PRH2: variants seen among roughly 807,000 people sequenced by gnomAD.
PRH2 encodes the protein salivary acidic proline-rich phosphoprotein 1/2.
In PRH2, 19 loss-of-function variants were observed where a neutral mutation model predicts 22.6. That is an observed-to-expected ratio of 0.84 (90% confidence interval 0.59 to 1.23). The LOEUF (loss-of-function observed/expected upper bound fraction) is 1.23, where lower values mean the gene tolerates loss of function less well. Ranked by LOEUF, PRH2 falls within the 50% of genes most tolerant of loss-of-function variation. The pLI is 0.00. For missense variants in PRH2, 109 were observed against 203.0 expected (o/e 0.54, Z 2.81); for synonymous variants, 45 against 72.0 (o/e 0.63, Z 1.90).
In PRH2 at chr12:10,929,348, T is replaced by C. The variant is rs1297477771; in HGVS notation, c.64+11T>C. ...AGGACTTAGATGAAGGTAAGCCGAATTGGGGGAAGATATTGTGACTCTGAT... is the reference window on the plus strand; with the variant it reads ...AGGACTTAGATGAAGGTAAGCCGAACTGGGGGAAGATATTGTGACTCTGAT... On this transcript the variant is annotated intron_variant, in intron 1 of 3. Transcript: ENST00000396400. 9.3e-6 allele frequency: 15 copies of C among 1,613,878 alleles called. No individual in the cohort carries two copies. Among genetic ancestry groups the C allele is most frequent in the African/African-American group, 4.0e-5 (3 of 74,862 alleles).
rs893282696 is a variant in PRH2, at chr12:10,932,757, C to G, written c.*550C>G. On this transcript the variant is annotated 3_prime_UTR_variant, in exon 4 of 4. Coordinates refer to ENST00000396400, the MANE Select transcript of PRH2 (RefSeq NM_001110213.1). ...GTTCTGTCCCTGCCTATGATTCTTA[C>G]CATTCTTAAGAAAACCTGAATGGAT... 1.2e-4 allele frequency among the ~76,000 whole-genome samples: 18 copies of G among 152,114 alleles called. No individual in the cohort carries two copies. The highest frequency in any genetic ancestry group is 7.4e-5 in the Non-Finnish European group (5 of 68,002).
At position 10,930,312 on chromosome 12, in the gene PRH2, C is replaced by T; in HGVS notation, c.100+8C>T. 1 of 1,609,930 alleles carries T rather than the reference C, an allele frequency of 6.2e-7. No homozygotes were observed. The highest frequency in any genetic ancestry group is 1.1e-5 in the South Asian group (1 of 90,988). On this transcript the variant is annotated splice_region_variant and intron_variant, in intron 2 of 3. Coordinates refer to ENST00000396400, the MANE Select transcript of PRH2 (RefSeq NM_001110213.1). ...TTCCCTTGGTAATATCAGGTAAATC[C>T]CAATAAATTCTCAGTAAACTCTGTC...
rs1950254475 is a variant in PRH2 at position 10,934,253 on chromosome 12, C to T, written c.*2046C>T. ...CCCTAGTGATGTATTCTCTTCACCA[C>T]AAGAGTTTGCAGCTCTGGCTTTCTT... On this transcript the variant is annotated 3_prime_UTR_variant, in exon 4 of 4. Transcript: ENST00000396400. 6.6e-6 allele frequency among the ~76,000 whole-genome samples: 1 copy of T among 152,132 alleles called. No homozygotes were observed.
chr12:10,930,557 G>T (rs1040678494), intron 2 of PRH2, 105 bp from the exon 3 acceptor site: 7 of 1,550,244 alleles, frequency 4.5e-6, no homozygotes, highest in Non-Finnish European at 6.1e-6. Context: ...GAGTTGAGAG[G>T]CAGGTCAGGG....
intron 1 of PRH2, among the ~76,000 whole-genome samples, chr12:10,929,681 T>G (rs1400369291): frequency 6.6e-6 from 1 of 152,078 alleles, no homozygotes; most frequent in Admixed American, 6.5e-5. Context: ...TAGACAGGGA[T>G]GATGGTGGCC....
chr12:10,932,086 T>G, intron 3 of PRH2, 140 bp from the exon 4 acceptor site: 1 of 255,978 alleles, frequency 3.9e-6, no homozygotes, highest in South Asian at 4.2e-5. Flanking sequence ...ACAAAGAAAA[T>G]GATATTAAGG....
chr12:10,930,575 G>A, intron 2 of PRH2, 87 bp from the exon 3 acceptor site: 3 of 1,574,650 alleles, frequency 1.9e-6, no homozygotes, highest in Non-Finnish European at 2.6e-6. Context: ...GGGAGAGAGG[G>A]GCCGGCCGTG....
At chr12:10,929,894 A>G (rs1360269843) in intron 1 of PRH2, among the ~76,000 whole-genome samples, 1 of 152,178 alleles carries the variant, frequency 6.6e-6, no homozygotes, top group African/African-American at 2.4e-5. Flanking sequence ...CTAAGTGGCT[A>G]TGTCTGGTGG....
intron 3 of PRH2, among the ~76,000 whole-genome samples, chr12:10,931,525 C>T (rs1950213291): frequency 6.6e-6 from 1 of 152,156 alleles, no homozygotes; most frequent in Non-Finnish European, 1.5e-5. Context: ...TTTTTTAAAA[C>T]ACATTTCACA....
intron 1 of PRH2, among the ~76,000 whole-genome samples, 156 bp from the exon 2 acceptor site, chr12:10,930,113 A>T (rs1222083045): frequency 6.6e-6 from 1 of 152,116 alleles, no homozygotes; most frequent in Non-Finnish European, 1.5e-5. Flanking sequence ...TTTCCCTTAC[A>T]TCTTCTTCCA....
At position 10,930,765 on chromosome 12, in the gene PRH2, C is replaced by A. The variant is rs942936169; in HGVS notation, c.204C>A (p.Gly68=). ...CTGGTGATGGGAACCAGAATGATGG[C>A]CCTCAGCAGGGACCACCCCAACAAG... is the stretch of plus-strand genomic sequence containing the variant. ...PSAGDGNQND[G]PQQGPPQQGG... Residue 68 remains glycine, a synonymous_variant, in exon 3 of 4, where the codon GGC becomes GGA. Coordinates refer to ENST00000396400, the MANE Select transcript of PRH2 (RefSeq NM_001110213.1). The A allele has an allele frequency of 1.9e-6, 3 of 1,606,626 alleles. No homozygotes were observed. The African/African-American group carries it at 4.0e-5, about 22-fold the overall frequency.
intron 3 of PRH2, 69 bp downstream of exon 3, chr12:10,931,149 G>C: frequency 2.5e-6 from 4 of 1,586,630 alleles, no homozygotes; most frequent in Admixed American, 1.8e-5. Context: ...TTGTGCCAGT[G>C]AATCTATTGA....
In PRH2 at chr12:10,929,271, A is replaced by C; in HGVS notation, c.-3A>C. 6.2e-7 allele frequency: 1 copy of C among 1,614,208 alleles called. No individual in the cohort carries two copies. The highest frequency in any genetic ancestry group is 8.5e-7 in the Non-Finnish European group (1 of 1,180,040). On this transcript the variant is annotated 5_prime_UTR_variant, in exon 1 of 4. Coordinates refer to ENST00000396400, the MANE Select transcript of PRH2 (RefSeq NM_001110213.1). ...TGGGAGTGACACCAGAGCCTTCTGC[A>C]AGATGCTTCTGATTCTGCTGTCAGT...
At position 10,934,309 on chromosome 12, in the gene PRH2, C is replaced by T. The variant is rs1035633059; in HGVS notation, c.*2102C>T. ...TCATCTGTAAAGATAACTACAGCTC[C>T]TCTATAAACCATCTCACCATTATTA... is the stretch of plus-strand genomic sequence containing the variant. On this transcript the variant is annotated 3_prime_UTR_variant, in exon 4 of 4. Transcript: ENST00000396400. Among the ~76,000 whole-genome samples, 3 of 152,224 alleles carry T rather than the reference C, an allele frequency of 2.0e-5. No homozygotes were observed. Among genetic ancestry groups the T allele is most frequent in the African/African-American group, 7.2e-5 (3 of 41,560 alleles).
chr12:10,929,404 GA>G (rs1950170174), intron 1 of PRH2, 67 bp downstream of exon 1: 24 of 1,588,132 alleles, frequency 1.5e-5, no homozygotes, highest in Non-Finnish European at 2.1e-5. Context: ...TATAGAGGGG[GA>G]AAGTGGAGGG....
chr12:10,929,473 A>G (rs1950171366), intron 1 of PRH2, 136 bp downstream of exon 1: 1 of 1,066,508 alleles, frequency 9.4e-7, no homozygotes, highest in Admixed American at 2.4e-5. Context: ...AAGGATCAGA[A>G]GACCTGTTGT....
chr12:10,931,162 A>T, intron 3 of PRH2, 82 bp downstream of exon 3: 2 of 1,573,772 alleles, frequency 1.3e-6, no homozygotes, highest in Admixed American at 3.7e-5. Context: ...TCTATTGAAA[A>T]GCTGTTAATA....
rs1950201200 is a variant in PRH2 at position 10,930,966 on chromosome 12, G to A, written c.405G>A (p.Gln135=). Residue 135 remains glutamine, a synonymous_variant, in exon 3 of 4, where the codon CAG becomes CAA. Coordinates refer to ENST00000396400, the MANE Select transcript of PRH2 (RefSeq NM_001110213.1). ...PQGPPQQGGH[Q]QGPPPPPPGK... is the part of the protein sequence containing the mutation. ...GACCACCCCAACAGGGAGGCCATCA[G>A]CAAGGTCCTCCCCCACCTCCTCCTG... 1 of 1,599,928 alleles carries A rather than the reference G, an allele frequency of 6.3e-7. No individual in the cohort carries two copies. The highest frequency in any genetic ancestry group is 8.5e-7 in the Non-Finnish European group (1 of 1,172,950).
At chr12:10,930,247 T>C (rs1394169960) in intron 1 of PRH2, 22 bp from the exon 2 acceptor site, 1 of 1,611,900 alleles carries the variant, frequency 6.2e-7, no homozygotes, top group Non-Finnish European at 8.5e-7. Flanking sequence ...ACTTTTCCCA[T>C]CATCCTGTAC....
Sources: gnomAD v4.1 joint callset for allele counts (sites outside exome capture counted in the v4.1 genomes callset) on GRCh38, gnomAD v4.1.1 for gene constraint, MANE v1.5 for transcripts, NCBI Gene and HGNC (gene_info 2026-07-23, HGNC 2026-07-21) for gene names.